The following ARHGEF33 variants were observed in gnomAD, a reference collection of about 807,000 sequenced individuals.
ARHGEF33 encodes DH and coiled-coil domain-containing protein ENSP00000381780.
In ARHGEF33, 72 loss-of-function variants were observed where a neutral mutation model predicts 101.9. The observed-to-expected ratio is 0.71, with a 90% CI of 0.58 to 0.86. The LOEUF (loss-of-function observed/expected upper bound fraction) is 0.86, where lower values mean the gene tolerates loss of function less well. ARHGEF33 is among the 40% of genes least tolerant of loss of function. The probability of loss-of-function intolerance (pLI) is 0.00; values close to 1 mark genes in which losing one functional copy is unlikely to be tolerated. For synonymous variants in ARHGEF33, 499 were observed against 442.5 expected (o/e 1.13, Z -1.60); for missense variants, 1,169 against 1,111.3 (o/e 1.05, Z -0.74).
In ARHGEF33 at chr2:38,919,395, C is replaced by T. The variant is rs942096104; in HGVS notation, c.-53C>T. On this transcript the variant is annotated 5_prime_UTR_variant, in exon 3 of 18. It adds an upstream start codon to the 5' untranslated region. Transcript: ENST00000409978. The stretch of plus-strand genomic sequence containing the variant: ...GAAGAGGAGGTGGCCTGAGCCAGGA[C>T]GATGAGGATGCAATGTTGAAGAATA... 2.8e-5 allele frequency: 44 copies of T among 1,546,862 alleles called. 1 individual carries two copies. In the Middle Eastern group the frequency reaches 3.0e-3, roughly 106 times the overall value.
intron 17 of ARHGEF33, among the ~76,000 whole-genome samples, chr2:38,969,083 C>T (rs1297119121): frequency 6.6e-6 from 1 of 152,176 alleles, no homozygotes; most frequent in African/African-American, 2.4e-5. Flanking sequence ...TGTATAGGAA[C>T]CATGAGCGAC....
Position 38,950,999 on chromosome 2 carries a change from G to T in ARHGEF33, c.931G>T (p.Gly311Cys), listed in dbSNP as rs1319297112. 3 of 1,552,028 alleles carry T rather than the reference G, an allele frequency of 1.9e-6. No individual in the cohort carries two copies. The Admixed American group carries it at 5.9e-5, about 30-fold the overall frequency. ...RNSKERSLFP[G>C]SLRYLVQQHL... ...CTATTCTGTTTCAAGCCTCTTCCCT[G>T]GCTCTTTACGGTACCTCGTCCAGCA... The change falls in exon 11 of 18, where the codon GGC becomes TGC. Residue 311 changes from glycine to cysteine, a missense_variant. By Grantham distance (159) the Gly-to-Cys change is radical. Transcript: ENST00000409978.
chr2:38,929,965 G>C, intron 6 of ARHGEF33, 135 bp downstream of exon 6: 1 of 679,216 alleles, frequency 1.5e-6, no homozygotes, highest in Admixed American at 3.2e-5. Flanking sequence ...TGCGATGGAG[G>C]TTATAGAATT....
Position 38,931,225 on chromosome 2 carries a change from T to G in ARHGEF33, c.479T>G (p.Leu160Arg). The G allele has an allele frequency of 1.3e-6, 2 of 1,550,004 alleles. No homozygotes were observed. The highest frequency in any genetic ancestry group is 1.7e-6 in the Non-Finnish European group (2 of 1,146,500). The change falls in exon 7 of 18, where the codon CTT (leucine) becomes CGT (arginine). Residue 160 changes from leucine to arginine, a missense_variant. Coordinates refer to ENST00000409978, the MANE Select transcript of ARHGEF33 (RefSeq NM_001145451.5). Reference sequence around the variant, plus strand: ...CTTCCAAGCGAAGACTTTACCAACCTTTTGCCTTCTCAGGCCTACGAGAAA... The same window carrying G: ...CTTCCAAGCGAAGACTTTACCAACCGTTTGCCTTCTCAGGCCTACGAGAAA... ...PVLPSEDFTN[L>R]LPSQAYEKAQ...
chr2:38,952,324 C>A (rs1418638979), intron 11 of ARHGEF33, among the ~76,000 whole-genome samples: 1 of 152,196 alleles, frequency 6.6e-6, no homozygotes, highest in African/African-American at 2.4e-5. Flanking sequence ...GTTCAGTATG[C>A]TTCCTTTAGC....
chr2:38,895,113 T>C (rs895359405), intron 1 of ARHGEF33, among the ~76,000 whole-genome samples: 14 of 152,292 alleles, frequency 9.2e-5, no homozygotes, highest in Non-Finnish European at 2.1e-4. Context: ...CCTCCAGGCT[T>C]CGTGTCCCTG....
Position 38,966,094 on chromosome 2 carries a change from A to G in ARHGEF33, c.2432A>G (p.Gln811Arg). 6.4e-7 allele frequency: 1 copy of G among 1,551,762 alleles called. No individual in the cohort carries two copies. The highest frequency in any genetic ancestry group is 8.7e-7 in the Non-Finnish European group (1 of 1,146,994). Residue 811 changes from glutamine to arginine, a missense_variant, in exon 17 of 18, where the codon CAA becomes CGA. Transcript: ENST00000409978. Reference sequence around the variant, plus strand: ...TCTTTCAGCGATCAAAATCCCAGGCAAGACCAGAAGGGGGGCTTTCGCAGC... The same window carrying G: ...TCTTTCAGCGATCAAAATCCCAGGCGAGACCAGAAGGGGGGCTTTCGCAGC... ...QTSFSDQNPRQDQKGGFRSSF... is the reference protein window; with the variant it reads ...QTSFSDQNPRRDQKGGFRSSF...
chr2:38,960,579 C>T lies in ARHGEF33; in HGVS notation c.2274C>T (p.Gly758=), dbSNP rs375644863. 1.5e-5 allele frequency: 20 copies of T among 1,303,488 alleles called. No individual in the cohort carries two copies. The East Asian group carries it at 2.1e-4, about 13-fold the overall frequency. The allele number at this position is 1,303,488 out of a possible 1,614,324, so 80.7% of individuals were successfully genotyped here. Residue 758 remains glycine (G), a synonymous_variant, in exon 16 of 18, where the codon GGC becomes GGT. Coordinates refer to ENST00000409978, the MANE Select transcript of ARHGEF33 (RefSeq NM_001145451.5). ...GPAAAAVAAR[G]ASRTFFPQQR... is the part of the protein sequence containing the mutation. The stretch of plus-strand genomic sequence containing the variant: ...CCGCCGCCGCCGTCGCCGCCCGCGG[C>T]GCATCCAGGACCTTCTTCCCCCAAC...
chr2:38,941,943 A>C (rs1667320360), intron 9 of ARHGEF33, among the ~76,000 whole-genome samples: 1 of 150,688 alleles, frequency 6.6e-6, no homozygotes, highest in African/African-American at 2.4e-5. Context: ...TAATGATGTG[A>C]GTCTTTTTTA....
In ARHGEF33 at chr2:38,949,444, C is replaced by T. The variant is rs539541198; in HGVS notation, c.921-1545C>T. On this transcript the variant is annotated intron_variant, in intron 10 of 17. Coordinates refer to ENST00000409978, the MANE Select transcript of ARHGEF33 (RefSeq NM_001145451.5). ...TCTATAGGCCTCTAATCACATCACT[C>T]TTACCCAGCTAGTCCCCCTTCCTCT... Among the ~76,000 whole-genome samples the T allele has an allele frequency of 4.6e-5, 7 of 152,238 alleles. No individual in the cohort carries two copies. In the South Asian group the frequency reaches 1.5e-3, roughly 32 times the overall value.
chr2:38,925,109 G>C (rs1384059880), intron 4 of ARHGEF33, among the ~76,000 whole-genome samples: 5 of 152,138 alleles, frequency 3.3e-5, no homozygotes, highest in Non-Finnish European at 5.9e-5. Context: ...TGTATCTGCA[G>C]TGTGATTTCA....
Position 38,973,773 on chromosome 2 carries a change from C to T in ARHGEF33, c.2543C>T (p.Pro848Leu), listed in dbSNP as rs1668215921. The T allele has an allele frequency of 6.5e-7, 1 of 1,548,812 alleles. No individual in the cohort carries two copies. The highest frequency in any genetic ancestry group is 2.0e-5 in the Admixed American group (1 of 50,786). ...TNENPSMDPS[P>L]TKQDFFRNRL... ...GAGAATCCCTCAATGGATCCTTCAC[C>T]CACCAAACAAGATTTCTTCAGAAAC... is the stretch of plus-strand genomic sequence containing the variant. The change falls in exon 18 of 18, where the codon CCC becomes CTC. Residue 848 changes from proline (P) to leucine (L), a missense_variant. Physicochemically the swap from Pro to Leu is moderately conservative, Grantham distance 98. Coordinates refer to ENST00000409978, the MANE Select transcript of ARHGEF33 (RefSeq NM_001145451.5).
Position 38,968,482 on chromosome 2 carries a change from G to T in ARHGEF33, c.2483+2337G>T, listed in dbSNP as rs1558447530. Among the ~76,000 whole-genome samples, 3 of 152,180 alleles carry T rather than the reference G, an allele frequency of 2.0e-5. 1 individual carries two copies. The South Asian group carries it at 6.2e-4, about 32-fold the overall frequency. On this transcript the variant is annotated intron_variant, in intron 17 of 17. Coordinates refer to ENST00000409978, the MANE Select transcript of ARHGEF33 (RefSeq NM_001145451.5). ...GAAGCCCTAGCATGTAGAAGACCAG[G>T]TTTTATCTTTCTGTAGCTCCCCACT...
chr2:38,968,626 T>G (rs985004204), intron 17 of ARHGEF33, among the ~76,000 whole-genome samples: 3 of 152,234 alleles, frequency 2.0e-5, no homozygotes, highest in Non-Finnish European at 2.9e-5. Context: ...GTGGATTCCC[T>G]TAGTCCTCTT....
chr2:38,925,854 G>T (rs1369124751), intron 4 of ARHGEF33, among the ~76,000 whole-genome samples: 1 of 151,960 alleles, frequency 6.6e-6, no homozygotes, highest in African/African-American at 2.4e-5. Flanking sequence ...TTACTTCTTG[G>T]TAGCCTCCTG....
intron 17 of ARHGEF33, among the ~76,000 whole-genome samples, chr2:38,971,568 C>T (rs1246964136): frequency 6.6e-6 from 1 of 152,154 alleles, no homozygotes; most frequent in African/African-American, 2.4e-5. Flanking sequence ...ACTTCAGAGC[C>T]TAATGGCCAC....
intron 2 of ARHGEF33, among the ~76,000 whole-genome samples, chr2:38,912,877 C>T (rs182835410): frequency 6.4e-4 from 98 of 152,086 alleles, no homozygotes; most frequent in African/African-American, 2.1e-3. Flanking sequence ...TAATGATACA[C>T]CCTCAACAGA....
chr2:38,951,093 AT>A lies in ARHGEF33; in HGVS notation c.1028del (p.Leu343TyrfsTer5). On this transcript the variant is annotated frameshift_variant, in exon 11 of 18. Transcript: ENST00000409978. LOFTEE classifies it high-confidence loss of function. The stretch of plus-strand genomic sequence containing the variant: ...TGGCCACGCCAAGGCGTTCTTGGAG[AT>A]TTATTCCTTAAGTTAACAAATGACG... ...LKWPRQGVLG[D>X]LFLKLTNDEN... is the part of the protein sequence containing the mutation. The A allele has an allele frequency of 1.3e-6, 2 of 1,551,750 alleles. No homozygotes were observed. The highest frequency in any genetic ancestry group is 1.7e-6 in the Non-Finnish European group (2 of 1,147,000).
At chr2:38,968,288 A>G (rs569808907) in intron 17 of ARHGEF33, among the ~76,000 whole-genome samples, 1 of 152,282 alleles carries the variant, frequency 6.6e-6, no homozygotes, top group East Asian at 1.9e-4. Context: ...GATGCTATGA[A>G]AGTGGTGCCT....
Sources: gnomAD v4.1 joint callset for allele counts (sites outside exome capture counted in the v4.1 genomes callset) on GRCh38, gnomAD v4.1.1 for gene constraint, MANE v1.5 for transcripts, NCBI Gene and HGNC (gene_info 2026-07-23, HGNC 2026-07-21) for gene names.